Variants in NPAS3 observed in about 807,000 individuals in gnomAD.
The protein encoded by NPAS3 is neuronal PAS domain protein 3.
In NPAS3, 14 loss-of-function variants were observed where a neutral mutation model predicts 73.1. The ratio of observed to expected loss-of-function variants is 0.19; its 90% CI spans 0.13 to 0.30. The LOEUF (loss-of-function observed/expected upper bound fraction) is 0.30. NPAS3 is among the 10% of genes least tolerant of loss of function. The pLI, the probability that NPAS3 is intolerant of heterozygous loss-of-function variation, is 1.00. For synonymous variants in NPAS3, 620 were observed against 541.5 expected (o/e 1.14, Z -2.01); for missense variants, 1,096 against 1,250.0 (o/e 0.88, Z 1.86).
At chr14:33,472,421 G>A (rs959595796) in intron 4 of NPAS3, among the ~76,000 whole-genome samples, 3 of 152,178 alleles carry the variant, frequency 2.0e-5, no homozygotes, top group African/African-American at 2.4e-5. Context: ...GGAGTGACAA[G>A]ATTTGACTTA....
At chr14:33,706,552 A>G (rs2140473218) in intron 6 of NPAS3, among the ~76,000 whole-genome samples, 1 of 152,298 alleles carries the variant, frequency 6.6e-6, no homozygotes, top group East Asian at 1.9e-4. Context: ...GGGCACGTGG[A>G]TAGGAGTAAA....
chr14:32,943,569 C>G (rs1566785953), intron 1 of NPAS3, among the ~76,000 whole-genome samples: 1 of 152,114 alleles, frequency 6.6e-6, no homozygotes, highest in Non-Finnish European at 1.5e-5. Context: ...ATCCCCTGCT[C>G]TGTGGTGAGG....
chr14:33,499,877 G>T (rs751761270), intron 4 of NPAS3, among the ~76,000 whole-genome samples: 2 of 151,878 alleles, frequency 1.3e-5, no homozygotes, highest in Non-Finnish European at 2.9e-5. Context: ...TCGCAGTGAG[G>T]CACAGGAAAA....
At chr14:33,712,427 T>C (rs1293440517) in intron 6 of NPAS3, among the ~76,000 whole-genome samples, 1 of 152,160 alleles carries the variant, frequency 6.6e-6, no homozygotes, top group East Asian at 1.9e-4. Flanking sequence ...ATACCCTGGG[T>C]TCATGAAGAG....
At chr14:33,735,314 C>A (rs1199833847) in exon 7 of NPAS3, 1 of 1,612,718 alleles carries the variant, frequency 6.2e-7, no homozygotes, top group Non-Finnish European at 8.5e-7. Flanking sequence ...GTGTGCACAT[C>A]AAATCATCAG....
At chr14:33,392,457 CT>C (rs2047048207) in intron 4 of NPAS3, among the ~76,000 whole-genome samples, 1 of 152,122 alleles carries the variant, frequency 6.6e-6, no homozygotes, top group South Asian at 2.1e-4. Context: ...ATGCCAGTGA[CT>C]ATGCTTTTCT....
chr14:33,047,626 A>C (rs963905871), intron 1 of NPAS3, among the ~76,000 whole-genome samples: 1 of 152,254 alleles, frequency 6.6e-6, no homozygotes, highest in African/African-American at 2.4e-5. Context: ...AGACAAGCCT[A>C]GTAGATGGTC....
intron 3 of NPAS3, among the ~76,000 whole-genome samples, chr14:33,236,019 T>A (rs935896812): frequency 1.8e-4 from 27 of 151,850 alleles, no homozygotes; most frequent in African/African-American, 5.6e-4. Context: ...CACAACATGA[T>A]ACAATTCTGA....
chr14:32,957,435 G>C (rs1421561161), intron 1 of NPAS3, among the ~76,000 whole-genome samples: 1 of 149,836 alleles, frequency 6.7e-6, no homozygotes, highest in African/African-American at 2.5e-5. Context: ...GCAGTGGTGC[G>C]ATCTCGGCTC....
intron 2 of NPAS3, among the ~76,000 whole-genome samples, chr14:33,180,627 A>C (rs1347865044): frequency 6.6e-6 from 1 of 151,814 alleles, no homozygotes; most frequent in East Asian, 1.9e-4. Flanking sequence ...GTGAAACCCC[A>C]TCTGTATTAA....
intron 6 of NPAS3, among the ~76,000 whole-genome samples, chr14:33,725,568 C>T (rs1298871270): frequency 6.6e-6 from 1 of 152,030 alleles, no homozygotes; most frequent in Non-Finnish European, 1.5e-5. Context: ...TCTCAGAATT[C>T]ACCCTCTGAA....
At position 33,254,806 on chromosome 14, in the gene NPAS3, C is replaced by T. The variant is rs74042007; in HGVS notation, c.385+39380C>T. ...AGAGGAATTATCAAATATGAAATGA[C>T]TCGTAACTTGGTTGAAGTTCTTAAA... is the stretch of plus-strand genomic sequence containing the variant. On this transcript the variant is annotated intron_variant, in intron 3 of 11. Coordinates refer to ENST00000356141, the Ensembl canonical transcript of NPAS3. Among the ~76,000 whole-genome samples, 1,458 of 152,242 alleles carry T rather than the reference C, an allele frequency of 9.6e-3. 35 individuals are homozygous for T. The highest frequency in any genetic ancestry group is 0.034 in the African/African-American group (1,394 of 41,552).
At position 33,390,603 on chromosome 14, in the gene NPAS3, T is replaced by A. The variant is rs373553091; in HGVS notation, c.468+23335T>A. Among the ~76,000 whole-genome samples the A allele has an allele frequency of 2.0e-3, 301 of 152,250 alleles. 2 individuals carry two copies. Among genetic ancestry groups the A allele is most frequent in the African/African-American group, 6.3e-3 (261 of 41,556 alleles). Reference sequence around the variant, plus strand: ...GATGAGGGCAGGTCTAATAGCCAATTTGTAGAGTGTACTGCACCAAGTATA... The same window carrying A: ...GATGAGGGCAGGTCTAATAGCCAATATGTAGAGTGTACTGCACCAAGTATA... On this transcript the variant is annotated intron_variant, in intron 4 of 11. Coordinates refer to ENST00000356141, the Ensembl canonical transcript of NPAS3.
intron 1 of NPAS3, among the ~76,000 whole-genome samples, chr14:32,973,567 G>C (rs910354381): frequency 8.2e-6 from 1 of 122,168 alleles, no homozygotes; most frequent in African/African-American, 3.1e-5. Context: ...ACAGAGTTTT[G>C]CTCTGTTGCC....
chr14:32,944,995 G>A (rs58258818), intron 1 of NPAS3, among the ~76,000 whole-genome samples: 68,880 of 151,986 alleles, frequency 0.45, 17,084 homozygotes, highest in African/African-American at 0.64. Context: ...ACCATGGACC[G>A]TGGTTATGCG....
intron 1 of NPAS3, among the ~76,000 whole-genome samples, chr14:32,998,353 G>C (rs191092561): frequency 6.6e-6 from 1 of 152,278 alleles, no homozygotes; most frequent in East Asian, 1.9e-4. Flanking sequence ...ACACATATTG[G>C]TGGTTACCAG....
chr14:33,501,644 T>TA (rs2052523549), intron 4 of NPAS3, among the ~76,000 whole-genome samples: 1 of 151,414 alleles, frequency 6.6e-6, no homozygotes, highest in Admixed American at 6.6e-5. Context: ...TTTTTTTTTT[T>TA]ACCTTCAAAA....
chr14:33,386,593 G>GA (rs2046785132), intron 4 of NPAS3, among the ~76,000 whole-genome samples: 1 of 151,954 alleles, frequency 6.6e-6, no homozygotes, highest in African/African-American at 2.4e-5. Context: ...GAGGAGAAAA[G>GA]AAAGATTCGT....
intron 4 of NPAS3, among the ~76,000 whole-genome samples, chr14:33,545,421 G>C (rs1015425876): frequency 6.6e-6 from 1 of 152,160 alleles, no homozygotes; most frequent in Admixed American, 6.5e-5. Context: ...TTTTACGTGT[G>C]TTAACTCCAA....
Sources: allele counts gnomAD v4.1 joint callset (sites outside exome capture counted in the v4.1 genomes callset), GRCh38; gene constraint gnomAD v4.1.1; transcripts MANE v1.5; gene names NCBI Gene and HGNC (gene_info 2026-07-23, HGNC 2026-07-21).